Variants in SLMAP observed in about 807,000 individuals in gnomAD.
SLMAP encodes sarcolemma associated protein, also known as sarcolemmal membrane-associated protein.
SLMAP carries 44 observed loss-of-function variants against 128.8 expected under a neutral mutation model. The ratio of observed to expected loss-of-function variants is 0.34; its 90% confidence interval spans 0.27 to 0.44. SLMAP has a LOEUF of 0.44. SLMAP is among the 20% of genes least tolerant of loss of function. The pLI, the probability that SLMAP is intolerant of heterozygous loss-of-function variation, is 1.00. For missense variants in SLMAP, 787 were observed against 985.3 expected, an observed-to-expected ratio of 0.80 and a Z score of 2.69; for synonymous variants, 327 against 348.8, an observed-to-expected ratio of 0.94 and a Z score of 0.70.
At chr3:57,762,455 C>T (rs1178211326) in intron 2 of SLMAP, among the ~76,000 whole-genome samples, 1 of 151,864 alleles carries the variant, frequency 6.6e-6, no homozygotes, top group Non-Finnish European at 1.5e-5. Context: ...AGAATATCTG[C>T]AAAATGTAGG....
At chr3:57,759,905 G>A (rs66736117) in intron 2 of SLMAP, among the ~76,000 whole-genome samples, 49,756 of 152,038 alleles carry the variant, frequency 0.33, 8,387 homozygotes, top group East Asian at 0.51. Flanking sequence ...GAATAGGTCA[G>A]TAGTGACTGT....
In SLMAP at chr3:57,864,644, G is replaced by A. The variant is rs149548827; in HGVS notation, c.1063G>A (p.Glu355Lys). 41 of 1,599,442 alleles carry A rather than the reference G, an allele frequency of 2.6e-5. No homozygotes were observed. In the African/African-American group the frequency reaches 5.0e-4, roughly 20 times the overall value. The change falls in exon 11 of 25, where the codon GAG becomes AAG. Residue 355 changes from glutamate (E) to lysine (K), a missense_variant. Glu to Lys is a moderately conservative substitution (Grantham distance 56). Transcript: ENST00000671191. The part of the protein sequence containing the change: ...KIDEMEEKEQ[E>K]LQAKIEALQA... ...AGATGAAATGGAAGAAAAAGAACAG[G>A]AGCTCCAGGCAAAAATAGAAGCTTT...
intron 2 of SLMAP, among the ~76,000 whole-genome samples, chr3:57,786,779 G>A (rs1377603717): frequency 6.7e-6 from 1 of 148,762 alleles, no homozygotes; most frequent in Non-Finnish European, 1.5e-5. Flanking sequence ...TGTCGCCCAG[G>A]CTGGAGTGCA....
At position 57,823,187 on chromosome 3, in the gene SLMAP, C is replaced by CT. The variant is rs200738101; in HGVS notation, c.199-8187dup. Among the ~76,000 whole-genome samples, 245 of 151,694 alleles carry CT rather than the reference C, an allele frequency of 1.6e-3. 3 individuals are homozygous for CT. Among genetic ancestry groups the CT allele is most frequent in the East Asian group, 0.01 (54 of 5,168 alleles). On this transcript the variant is annotated intron_variant, in intron 2 of 24. Coordinates refer to ENST00000671191, the MANE Select transcript of SLMAP (RefSeq NM_001377540.1). ...TGGACTTATCAGACAAAAACTTTAT[C>CT]TTTTTTTTTCTGATTTGGGTAATTT...
rs2095481301 is a variant in SLMAP, at chr3:57,871,622, T to C, written c.1238-14T>C. ...AACAAACTATATCCTTAAAGGTGTT[T>C]CTTTCTTTATTAGAGCACTTGCTTT... On this transcript the variant is annotated splice_polypyrimidine_tract_variant and intron_variant, in intron 13 of 24. Transcript: ENST00000671191. 6.2e-7 allele frequency: 1 copy of C among 1,607,522 alleles called. No homozygotes were observed. Among genetic ancestry groups the C allele is most frequent in the Non-Finnish European group, 8.5e-7 (1 of 1,174,666 alleles).
At chr3:57,782,374 C>A (rs1406652165) in intron 2 of SLMAP, among the ~76,000 whole-genome samples, 1 of 152,118 alleles carries the variant, frequency 6.6e-6, no homozygotes, top group Non-Finnish European at 1.5e-5. Flanking sequence ...TATATTTAAA[C>A]AGTTTTAGAA....
chr3:57,782,067 T>C (rs1559965424), intron 2 of SLMAP, among the ~76,000 whole-genome samples: 1 of 152,210 alleles, frequency 6.6e-6, no homozygotes. Context: ...TTAGGTAAAT[T>C]CAGATTTATA....
At chr3:57,871,551 A>G in intron 13 of SLMAP, 85 bp from the exon 14 acceptor site, 1 of 953,520 alleles carries the variant, frequency 1.0e-6, no homozygotes, top group East Asian at 2.4e-5. Flanking sequence ...ACCCATGTTA[A>G]TACTTTTCAG....
At chr3:57,759,555 C>T (rs945382204) in intron 2 of SLMAP, among the ~76,000 whole-genome samples, 4 of 152,196 alleles carry the variant, frequency 2.6e-5, no homozygotes, top group South Asian at 2.1e-4. Flanking sequence ...GGATTACAGG[C>T]GTGAGCCACT....
intron 14 of SLMAP, among the ~76,000 whole-genome samples, chr3:57,885,116 A>G (rs989020227): frequency 9.5e-5 from 14 of 147,358 alleles, no homozygotes; most frequent in Admixed American, 3.5e-4. Flanking sequence ...CTTGTTGCCC[A>G]GGCTGGAGTG....
chr3:57,776,447 C>T (rs1173726967), intron 2 of SLMAP, among the ~76,000 whole-genome samples: 1 of 149,426 alleles, frequency 6.7e-6, no homozygotes, highest in Non-Finnish European at 1.5e-5. Flanking sequence ...AATAAGTGAT[C>T]GTTTAATGCT....
At chr3:57,841,271 A>C in intron 3 of SLMAP, 28 bp from the exon 4 acceptor site, 1 of 1,349,506 alleles carries the variant, frequency 7.4e-7, no homozygotes, top group Non-Finnish European at 1.0e-6. Context: ...CAATTATTTC[A>C]TCCATATTAT....
At chr3:57,884,277 A>C (rs2095823397) in intron 14 of SLMAP, among the ~76,000 whole-genome samples, 1 of 152,078 alleles carries the variant, frequency 6.6e-6, no homozygotes, top group Non-Finnish European at 1.5e-5. Flanking sequence ...CTCTTTCTTT[A>C]TTCAGAAAGA....
intron 14 of SLMAP, 120 bp from the exon 15 acceptor site, chr3:57,889,921 C>G: frequency 1.6e-6 from 1 of 633,184 alleles, no homozygotes; most frequent in South Asian, 2.3e-5. Context: ...TTTATTCAAG[C>G]TTGGTCATAG....
At chr3:57,761,908 G>A (rs1225175899) in intron 2 of SLMAP, among the ~76,000 whole-genome samples, 1 of 149,956 alleles carries the variant, frequency 6.7e-6, no homozygotes, top group Non-Finnish European at 1.5e-5. Flanking sequence ...TTAGCCGGGC[G>A]CGGTGGCGGG....
intron 2 of SLMAP, among the ~76,000 whole-genome samples, chr3:57,775,102 C>A (rs2081568974): frequency 1.3e-5 from 2 of 151,332 alleles, no homozygotes; most frequent in Admixed American, 6.6e-5. Flanking sequence ...TCGCCCAGGC[C>A]GGAGTACAGT....
intron 14 of SLMAP, among the ~76,000 whole-genome samples, chr3:57,887,425 T>C (rs957673856): frequency 2.6e-5 from 4 of 152,140 alleles, no homozygotes; most frequent in African/African-American, 9.7e-5. Flanking sequence ...TTGGTCAGGC[T>C]GGTCTCGAAC....
In SLMAP at chr3:57,837,360, TTTTG is replaced by T. The variant is rs370895839; in HGVS notation, c.347-3919_347-3916del. Among the ~76,000 whole-genome samples, 448 of 152,232 alleles carry T rather than the reference TTTTG, an allele frequency of 2.9e-3. 3 individuals are homozygous for T. Among genetic ancestry groups the T allele is most frequent in the African/African-American group, 9.3e-3 (385 of 41,536 alleles). ...AATGTCCCATTAATCTTCATCTATCTTTTGTTTGTTTGTTTGTTTGTTTTTTGAG... is the reference window on the plus strand; with the variant it reads ...AATGTCCCATTAATCTTCATCTATCTTTTGTTTGTTTGTTTGTTTTTTGAG... On this transcript the variant is annotated intron_variant, in intron 3 of 24. Transcript: ENST00000671191.
At chr3:57,805,201 G>A (rs1046266713) in intron 2 of SLMAP, among the ~76,000 whole-genome samples, 2 of 151,896 alleles carry the variant, frequency 1.3e-5, no homozygotes, top group Admixed American at 6.6e-5. Context: ...TTCCTCAAAT[G>A]TGTGTTCCTA....
Sources: gnomAD v4.1 joint callset for allele counts (sites outside exome capture counted in the v4.1 genomes callset) on GRCh38, gnomAD v4.1.1 for gene constraint, MANE v1.5 for transcripts, NCBI Gene and HGNC (gene_info 2026-07-23, HGNC 2026-07-21) for gene names.